RGS9: variants seen among roughly 807,000 people sequenced by gnomAD.
The protein encoded by RGS9 is regulator of G protein signaling 9.
RGS9 carries 78 observed loss-of-function variants against 102.0 expected under a neutral mutation model. The ratio of observed to expected loss-of-function variants is 0.76; its 90% CI spans 0.64 to 0.92. RGS9 has a LOEUF of 0.92. Ranked by LOEUF, RGS9 falls within the 40% of genes least tolerant of loss-of-function variation. RGS9 has a pLI of 0.00. For missense variants in RGS9, 833 were observed against 866.1 expected, an observed-to-expected ratio of 0.96 and a Z score of 0.48; for synonymous variants, 353 against 318.6, an observed-to-expected ratio of 1.11 and a Z score of -1.15.
Position 65,180,920 on chromosome 17 carries a change from G to A in RGS9, c.654+3117G>A, listed in dbSNP as rs183767676. On this transcript the variant is annotated intron_variant, in intron 9 of 18. Transcript: ENST00000262406. The stretch of plus-strand genomic sequence containing the variant: ...GTGGTATTTGGTTTTCTGTTCCTGC[G>A]TTAGTTCGCTTAAGACAATGATCTC... Among the ~76,000 whole-genome samples the A allele has an allele frequency of 7.3e-4, 111 of 152,198 alleles. 1 individual carries two copies. Among genetic ancestry groups the A allele is most frequent in the Admixed American group, 2.5e-3 (38 of 15,286 alleles).
chr17:65,158,474 G>C (rs1910860154), intron 3 of RGS9, 129 bp downstream of exon 3: 2 of 876,024 alleles, frequency 2.3e-6, no homozygotes, highest in South Asian at 2.6e-5. Context: ...TGACCTTCGT[G>C]TGTAAAAGTA....
intron 6 of RGS9, 141 bp downstream of exon 6, chr17:65,161,050 A>G: frequency 4.1e-6 from 3 of 723,542 alleles, no homozygotes; most frequent in South Asian, 1.6e-5. Flanking sequence ...CTAGCCATCC[A>G]TTTATTAATT....
chr17:65,184,519 C>CT lies in RGS9; in HGVS notation c.655-4760dup, dbSNP rs972406415. On this transcript the variant is annotated intron_variant, in intron 9 of 18. Coordinates refer to ENST00000262406, the MANE Select transcript of RGS9 (RefSeq NM_003835.4). ...ATGTCTATTATCGCATTTAGTCCCT[C>CT]TTTTTTTCTATTCTCCTTTTACGAA... Among the ~76,000 whole-genome samples the CT allele has an allele frequency of 3.2e-3, 494 of 152,178 alleles. 4 individuals carry two copies. The highest frequency in any genetic ancestry group is 6.0e-3 in the Non-Finnish European group (406 of 67,984).
At position 65,210,702 on chromosome 17, in the gene RGS9, G is replaced by C. The variant is rs1240568287; in HGVS notation, c.1407+97G>C. 9.5e-6 allele frequency: 15 copies of C among 1,575,056 alleles called. No individual in the cohort carries two copies. In the Admixed American group the frequency reaches 1.1e-4, roughly 11 times the overall value. ...GGGGTGGGGTCATGCACTTGGGAGA[G>C]GCAAATGAAGAAGGGTAGGGTCAGA... On this transcript the variant is annotated intron_variant, in intron 17 of 18. Transcript: ENST00000262406.
Position 65,190,108 on chromosome 17 carries a change from G to A in RGS9, c.685-67G>A, listed in dbSNP as rs140834409. The A allele has an allele frequency of 5.2e-4, 657 of 1,262,440 alleles. 2 individuals carry two copies. In the African/African-American group the frequency reaches 6.3e-3, roughly 12 times the overall value. The allele number at this position is 1,262,440 out of a possible 1,614,324, so 78.2% of individuals were successfully genotyped here. A position where few individuals can be genotyped will look rare whatever the true frequency, so the allele number is the denominator to read the frequency against. Reference sequence around the variant, plus strand: ...GGGTAAATGGCTTCTGGGTTTGGAGGCTGTGTGTAGTGACACTGAAGGGTG... The same window carrying A: ...GGGTAAATGGCTTCTGGGTTTGGAGACTGTGTGTAGTGACACTGAAGGGTG... On this transcript the variant is annotated intron_variant, in intron 10 of 18. Coordinates refer to ENST00000262406, the MANE Select transcript of RGS9 (RefSeq NM_003835.4).
At chr17:65,178,741 G>A (rs1911743116) in intron 9 of RGS9, among the ~76,000 whole-genome samples, 1 of 152,174 alleles carries the variant, frequency 6.6e-6, no homozygotes, top group South Asian at 2.1e-4. Flanking sequence ...CTGGGCTCAA[G>A]CAGTCCTCCT....
rs751980792 is a variant in RGS9 at position 65,193,650 on chromosome 17, C to T, written c.854C>T (p.Ala285Val). Residue 285 changes from alanine to valine, a missense_variant, in exon 12 of 19, where the codon GCC becomes GTC. Around this residue, in one of 3 missense-constraint regions of RGS9, gnomAD observed 185 missense variants for 248.7 expected, o/e 0.74. Coordinates refer to ENST00000262406, the MANE Select transcript of RGS9 (RefSeq NM_003835.4). Reference sequence around the variant, plus strand: ...GACACCCAGTTCTGGGACTTAAATGCCAAATTGTATGTATTTTATATATTG... The same window carrying T: ...GACACCCAGTTCTGGGACTTAAATGTCAAATTGTATGTATTTTATATATTG... Reference protein sequence around the residue: ...TDDTQFWDLNAKLVEIPTKMR... With the variant: ...TDDTQFWDLNVKLVEIPTKMR... 1.9e-6 allele frequency: 3 copies of T among 1,600,524 alleles called. No homozygotes were observed. The highest frequency in any genetic ancestry group is 1.7e-6 in the Non-Finnish European group (2 of 1,167,606).
intron 13 of RGS9, among the ~76,000 whole-genome samples, chr17:65,200,736 G>A (rs1013909366): frequency 6.6e-6 from 1 of 152,110 alleles, no homozygotes; most frequent in African/African-American, 2.4e-5. Flanking sequence ...TGAACTGCAC[G>A]AGACCACTTA....
chr17:65,176,552 A>T (rs73994741), intron 8 of RGS9, among the ~76,000 whole-genome samples: 22,690 of 152,134 alleles, frequency 0.15, 4,452 homozygotes, highest in African/African-American at 0.45. Context: ...CTGTCACTTC[A>T]CTTTTCCCGC....
intron 7 of RGS9, among the ~76,000 whole-genome samples, chr17:65,165,789 G>A (rs1030622956): frequency 1.3e-5 from 2 of 152,098 alleles, no homozygotes. Context: ...TAGCTATCGG[G>A]GAGAACATTC....
intron 2 of RGS9, 101 bp from the exon 3 acceptor site, chr17:65,158,194 T>C: frequency 9.3e-7 from 1 of 1,077,352 alleles, no homozygotes; most frequent in South Asian, 1.2e-5. Flanking sequence ...AGGAATGAAA[T>C]CGCAGCTGAA....
At chr17:65,221,148 C>T (rs1455617837) in intron 17 of RGS9, among the ~76,000 whole-genome samples, 1 of 152,132 alleles carries the variant, frequency 6.6e-6, no homozygotes, top group Admixed American at 6.5e-5. Flanking sequence ...CCATCTCAGG[C>T]CAGGTAAGTG....
intron 8 of RGS9, among the ~76,000 whole-genome samples, chr17:65,169,919 C>T (rs1911346931): frequency 6.6e-6 from 1 of 152,050 alleles, no homozygotes. Context: ...TCTTATTTCC[C>T]CCACTTTCTC....
intron 17 of RGS9, among the ~76,000 whole-genome samples, chr17:65,215,319 C>T (rs9916525): frequency 0.41 from 62,183 of 151,880 alleles, 18,621 homozygotes; most frequent in African/African-American, 0.84. Flanking sequence ...CCTCCTAAGA[C>T]AAGGGTGATG....
intron 8 of RGS9, among the ~76,000 whole-genome samples, chr17:65,171,158 G>A (rs934594614): frequency 1.3e-5 from 2 of 152,146 alleles, no homozygotes; most frequent in African/African-American, 2.4e-5. Flanking sequence ...TTACTGAACC[G>A]ACTCATTCAC....
intron 9 of RGS9, among the ~76,000 whole-genome samples, chr17:65,178,961 G>A (rs1312960938): frequency 6.6e-6 from 1 of 152,164 alleles, no homozygotes; most frequent in African/African-American, 2.4e-5. Context: ...ATTGCCCATT[G>A]TACCCTGGGA....
chr17:65,154,726 G>C (rs1456137290), intron 2 of RGS9, among the ~76,000 whole-genome samples: 1 of 152,124 alleles, frequency 6.6e-6, no homozygotes, highest in East Asian at 1.9e-4. Context: ...GAGCATTTTG[G>C]TTAATGTGTT....
intron 2 of RGS9, among the ~76,000 whole-genome samples, chr17:65,157,775 T>C (rs556709820): frequency 4.6e-5 from 7 of 152,172 alleles, no homozygotes; most frequent in Admixed American, 2.6e-4. Context: ...CTCGGAGTTC[T>C]GCCTGGGAAC....
intron 9 of RGS9, among the ~76,000 whole-genome samples, chr17:65,184,373 T>A (rs892684070): frequency 1.3e-5 from 2 of 152,198 alleles, no homozygotes; most frequent in Non-Finnish European, 2.9e-5. Flanking sequence ...AAATATTGCC[T>A]GTGAATCCTG....
Sources: allele counts gnomAD v4.1 joint callset (sites outside exome capture counted in the v4.1 genomes callset), GRCh38; gene constraint gnomAD v4.1.1; regional missense constraint gnomAD v4.1.1; transcripts MANE v1.5; gene names NCBI Gene and HGNC (gene_info 2026-07-23, HGNC 2026-07-21).